The following ABR variants were observed in gnomAD, a reference collection of about 807,000 sequenced individuals.
ABR encodes ABR activator of RhoGEF and GTPase, also known as active breakpoint cluster region-related protein.
ABR carries 35 observed loss-of-function variants against 107.2 expected under a neutral mutation model. The observed-to-expected ratio is 0.33, with a 90% CI of 0.25 to 0.43. The LOEUF (loss-of-function observed/expected upper bound fraction) is 0.43. ABR is among the 20% of genes least tolerant of loss of function. ABR has a pLI of 1.00. For synonymous variants in ABR, 498 were observed against 462.0 expected (o/e 1.08, Z -1.00); for missense variants, 815 against 1,115.2 (o/e 0.73, Z 3.83).
intron 16 of ABR, among the ~76,000 whole-genome samples, chr17:1,022,097 ACT>A (rs1176630912): frequency 2.7e-5 from 4 of 146,256 alleles, no homozygotes; most frequent in African/African-American, 1.0e-4. Context: ...ACAGAGCAAG[ACT>A]CTGTCTCAAA....
intron 1 of ABR, among the ~76,000 whole-genome samples, chr17:1,227,446 AGCATGG>A (rs1215105550): frequency 1.3e-5 from 2 of 152,206 alleles, no homozygotes; most frequent in Admixed American, 1.3e-4. Flanking sequence ...AAATGTTACC[AGCATGG>A]GCGGCAAGAG....
chr17:1,029,239 C>G (rs2072503189), intron 16 of ABR, among the ~76,000 whole-genome samples: 1 of 152,052 alleles, frequency 6.6e-6, no homozygotes, highest in Admixed American at 6.5e-5. Context: ...AGCTGACTGC[C>G]AAGTCAGGGG....
chr17:1,100,599 G>A (rs766908843), intron 3 of ABR, 38 bp downstream of exon 3: 3 of 1,579,072 alleles, frequency 1.9e-6, no homozygotes, highest in Admixed American at 1.7e-5. Context: ...AACACGGGCG[G>A]GGGGACCGGA....
intron 1 of ABR, among the ~76,000 whole-genome samples, chr17:1,206,262 A>C (rs961598940): frequency 1.3e-5 from 2 of 152,224 alleles, no homozygotes; most frequent in African/African-American, 4.8e-5. Context: ...TTTATAGTGT[A>C]ACTGCCACGT....
chr17:1,221,041 T>C (rs2043111609), intron 1 of ABR, among the ~76,000 whole-genome samples: 1 of 152,178 alleles, frequency 6.6e-6, no homozygotes, highest in Non-Finnish European at 1.5e-5. Flanking sequence ...GATGGCATAA[T>C]AATAAGACAA....
intron 1 of ABR, among the ~76,000 whole-genome samples, chr17:1,212,508 A>G (rs1279690626): frequency 6.6e-6 from 1 of 152,110 alleles, no homozygotes; most frequent in Non-Finnish European, 1.5e-5. Context: ...TAATCCCAGC[A>G]CTCTGAGAGG....
chr17:1,010,841 C>T lies in ABR; in HGVS notation c.2124G>A (p.Met708Ile), dbSNP rs1212801531. The T allele has an allele frequency of 1.2e-6, 2 of 1,613,894 alleles. No individual in the cohort carries two copies. The highest frequency in any genetic ancestry group is 1.7e-6 in the Non-Finnish European group (2 of 1,180,012). Residue 708 changes from methionine to isoleucine, a missense_variant, in exon 20 of 23, where the codon ATG becomes ATA. By Grantham distance (10) the Met-to-Ile change is conservative (BLOSUM62 1). This residue lies in a region of ABR where 175 missense variants were observed against 284.3 expected (regional missense o/e 0.62). Coordinates refer to ENST00000302538, the MANE Select transcript of ABR (RefSeq NM_021962.5). This position sits in a 1 kb window ranked among gnomAD's most constrained non-coding sequence, Gnocchi z 4.1. ...TGGCGTTGATGTCCATGTCACTCAG[C>T]ATCAGCAGGATGTCCTTGTTATCTG... ...FDANNKDILL[M>I]LSDMDINAIA...
chr17:1,160,905 G>A (rs1370404571), intron 1 of ABR, among the ~76,000 whole-genome samples: 8 of 152,244 alleles, frequency 5.3e-5, no homozygotes, highest in Admixed American at 2.0e-4. Flanking sequence ...ACGCCCGTGC[G>A]GTGGAGGCAA....
chr17:1,141,803 C>T (rs147812924), intron 1 of ABR, among the ~76,000 whole-genome samples: 65 of 151,500 alleles, frequency 4.3e-4, no homozygotes, highest in African/African-American at 1.6e-3. Flanking sequence ...CTGTCTCCCA[C>T]GCTAGAGTAC....
At chr17:1,048,526 G>A (rs1016748151) in intron 16 of ABR, among the ~76,000 whole-genome samples, 6 of 152,276 alleles carry the variant, frequency 3.9e-5, no homozygotes, top group Admixed American at 2.0e-4. Context: ...CGCAGCCTGC[G>A]CCTGGATCAC....
intron 3 of ABR, among the ~76,000 whole-genome samples, chr17:1,097,179 C>G (rs1018663005): frequency 1.3e-5 from 2 of 152,088 alleles, no homozygotes; most frequent in Non-Finnish European, 2.9e-5. Context: ...TGGGGACAGG[C>G]GCCACTCCCT....
chr17:1,188,418 C>T (rs996126324), upstream of ABR, among the ~76,000 whole-genome samples: 4 of 151,632 alleles, frequency 2.6e-5, no homozygotes, highest in East Asian at 7.7e-4. Flanking sequence ...GGCATGGTGG[C>T]GGGCGCCTGT....
At chr17:1,060,653 A>G (rs2033817790) in intron 10 of ABR, among the ~76,000 whole-genome samples, 1 of 152,078 alleles carries the variant, frequency 6.6e-6, no homozygotes, top group Non-Finnish European at 1.5e-5. Context: ...ACCAGCCAGT[A>G]TTATATTGGG....
At position 1,027,762 on chromosome 17, in the gene ABR, AG is replaced by A. The variant is rs1423336211; in HGVS notation, c.1792-14599del. 5.9e-5 allele frequency among the ~76,000 whole-genome samples: 9 copies of A among 151,582 alleles called. No homozygotes were observed. Among genetic ancestry groups the A allele is most frequent in the African/African-American group, 2.2e-4 (9 of 41,310 alleles). On this transcript the variant is annotated intron_variant, in intron 16 of 22. Transcript: ENST00000302538. The surrounding 1 kb of genome is among the most constrained non-coding windows in gnomAD (Gnocchi z 4.7). ...GGTCGCTATGGGGGTGTGTGTGAAC[AG>A]AGAAGACGCACGATGAAGCTTTCTT...
intron 16 of ABR, chr17:1,031,745 G>GGC (rs955391100): frequency 7.5e-5 from 90 of 1,199,190 alleles, no homozygotes; most frequent in Non-Finnish European, 7.3e-5. Context: ...CGGTCATGCC[G>GGC]GGGGGGACGG....
intron 1 of ABR, among the ~76,000 whole-genome samples, chr17:1,162,804 T>C (rs561324836): frequency 1.5e-4 from 23 of 151,864 alleles, no homozygotes; most frequent in South Asian, 4.2e-4. Flanking sequence ...CCAAGCACAG[T>C]GGCTCACACC....
At chr17:1,189,501 G>A (rs971588698), upstream of ABR, among the ~76,000 whole-genome samples, 4 of 152,086 alleles carry the variant, frequency 2.6e-5, no homozygotes, top group African/African-American at 4.8e-5. Flanking sequence ...ATAGAGACCC[G>A]CACATCCTTT....
intron 1 of ABR, among the ~76,000 whole-genome samples, chr17:1,144,018 A>C (rs926877717): frequency 2.6e-5 from 4 of 152,000 alleles, no homozygotes; most frequent in Non-Finnish European, 5.9e-5. Context: ...ACGGGGGAAA[A>C]CTGAGGCTTC....
At chr17:1,048,574 CGCCTGG>C (rs2031993570) in intron 16 of ABR, among the ~76,000 whole-genome samples, 2 of 133,292 alleles carry the variant, frequency 1.5e-5, no homozygotes, top group Admixed American at 8.4e-5. Flanking sequence ...CGCCCAGCTG[CGCCTGG>C]ATCACGTCCG....
Sources: gnomAD v4.1 joint callset for allele counts (sites outside exome capture counted in the v4.1 genomes callset) on GRCh38, gnomAD v4.1.1 for gene constraint, gnomAD v4.1.1 regional missense constraint, Gnocchi (gnomAD v3.1) non-coding constraint, MANE v1.5 for transcripts, NCBI Gene and HGNC (gene_info 2026-07-23, HGNC 2026-07-21) for gene names.